Variants in COL25A1 observed in about 807,000 individuals in gnomAD.
COL25A1 encodes collagen type XXV alpha 1 chain, also known as collagen alpha-1(XXV) chain.
In COL25A1, 103 loss-of-function variants were observed where a neutral mutation model predicts 128.4. That is an observed-to-expected ratio of 0.80 (90% confidence interval 0.68 to 0.94). The LOEUF (loss-of-function observed/expected upper bound fraction) is 0.94. Ranked by LOEUF, COL25A1 falls within the 40% of genes least tolerant of loss-of-function variation. COL25A1 has a pLI of 0.00. For synonymous variants in COL25A1, 279 were observed against 277.2 expected (o/e 1.01, Z -0.06); for missense variants, 745 against 840.0 (o/e 0.89, Z 1.40).
chr4:109,083,109 C>A (rs1158337623), intron 3 of COL25A1, among the ~76,000 whole-genome samples: 1 of 152,138 alleles, frequency 6.6e-6, no homozygotes, highest in Admixed American at 6.6e-5. Flanking sequence ...TTTAATAGGA[C>A]TTCCAAACAA....
At chr4:109,244,881 A>T (rs1210739985) in intron 3 of COL25A1, among the ~76,000 whole-genome samples, 2 of 152,174 alleles carry the variant, frequency 1.3e-5, no homozygotes, top group Non-Finnish European at 2.9e-5. Context: ...GTGGATCTCT[A>T]GAAAAATATT....
chr4:108,966,076 C>G (rs1281020506), intron 8 of COL25A1, among the ~76,000 whole-genome samples: 1 of 152,120 alleles, frequency 6.6e-6, no homozygotes, highest in Non-Finnish European at 1.5e-5. Flanking sequence ...TGTATTATAA[C>G]AAGGTAATTG....
intron 6 of COL25A1, among the ~76,000 whole-genome samples, chr4:109,003,983 G>C (rs894157981): frequency 1.3e-5 from 2 of 151,928 alleles, no homozygotes; most frequent in African/African-American, 4.8e-5. Context: ...TGATTCAGGA[G>C]ATTCACAGCA....
chr4:109,205,567 A>G (rs1190804636), intron 3 of COL25A1, among the ~76,000 whole-genome samples: 1 of 152,154 alleles, frequency 6.6e-6, no homozygotes, highest in Non-Finnish European at 1.5e-5. Flanking sequence ...GCCTCAGATC[A>G]AATACAGAAG....
At chr4:108,918,126 A>T (rs763873741) in intron 13 of COL25A1, 46 bp downstream of exon 13, 1 of 1,267,034 alleles carries the variant, frequency 7.9e-7, no homozygotes, top group Non-Finnish European at 1.1e-6. Context: ...TGTGATTTCA[A>T]TGCTCACCAA....
intron 31 of COL25A1, among the ~76,000 whole-genome samples, chr4:108,840,057 C>A (rs1560727921): frequency 6.6e-6 from 1 of 151,728 alleles, no homozygotes; most frequent in Non-Finnish European, 1.5e-5. Flanking sequence ...GCCTGGCCAA[C>A]ATGGTGAAAC....
At chr4:108,957,027 A>AG (rs1242524273) in intron 8 of COL25A1, among the ~76,000 whole-genome samples, 3 of 152,214 alleles carry the variant, frequency 2.0e-5, no homozygotes, top group Non-Finnish European at 4.4e-5. Context: ...AAATTTATAC[A>AG]TTAATATATG....
intron 3 of COL25A1, among the ~76,000 whole-genome samples, chr4:109,253,450 T>C (rs550266234): frequency 1.3e-5 from 2 of 152,264 alleles, no homozygotes; most frequent in Admixed American, 1.3e-4. Flanking sequence ...AAATTTTCCC[T>C]TACCCTGCCT....
At chr4:108,906,060 A>T (rs994893493) in intron 13 of COL25A1, among the ~76,000 whole-genome samples, 7 of 152,098 alleles carry the variant, frequency 4.6e-5, no homozygotes, top group Admixed American at 6.5e-5. Flanking sequence ...CCAGCTTCCA[A>T]CATTCTCTTA....
chr4:108,822,054 T>TTTTTTTTTTTTTTC (rs1731832000), intron 35 of COL25A1, among the ~76,000 whole-genome samples: 1 of 140,306 alleles, frequency 7.1e-6, no homozygotes, highest in Non-Finnish European at 1.5e-5. Flanking sequence ...TTTTTTTTTT[T>TTTTTTTTTTTTTTC]TTTTTTGGGA....
chr4:109,178,835 C>CAAAAAAAAAAAAAAAAAAAAAA (rs34132262), intron 3 of COL25A1, among the ~76,000 whole-genome samples: 1 of 47,546 alleles, frequency 2.1e-5, no homozygotes, highest in African/African-American at 9.3e-5. Flanking sequence ...ACTCCATCTC[C>CAAAAAAAAAAAAAAAAAAAAAA]AAAAAAAAAA....
intron 3 of COL25A1, among the ~76,000 whole-genome samples, chr4:109,193,262 G>T (rs913516914): frequency 1.3e-5 from 2 of 151,908 alleles, no homozygotes; most frequent in Admixed American, 6.6e-5. Flanking sequence ...CAGCCAACTA[G>T]AAGAAGCTGG....
chr4:109,182,437 C>T (rs1383337444), intron 3 of COL25A1, among the ~76,000 whole-genome samples: 1 of 152,060 alleles, frequency 6.6e-6, no homozygotes, highest in Non-Finnish European at 1.5e-5. Flanking sequence ...GGGTAAACTA[C>T]AGTATGATTA....
intron 3 of COL25A1, among the ~76,000 whole-genome samples, chr4:109,052,528 T>C (rs1009133441): frequency 1.4e-4 from 21 of 152,156 alleles, no homozygotes; most frequent in Admixed American, 3.9e-4. Context: ...AAAGAAAATA[T>C]TGGATTTAAG....
chr4:108,978,778 G>T (rs1752675957), intron 6 of COL25A1, among the ~76,000 whole-genome samples: 1 of 152,166 alleles, frequency 6.6e-6, no homozygotes, highest in Non-Finnish European at 1.5e-5. Context: ...CAAGGTTAGG[G>T]TCAATGGAAA....
chr4:109,113,162 A>G (rs950818446), intron 3 of COL25A1, among the ~76,000 whole-genome samples: 1 of 152,132 alleles, frequency 6.6e-6, no homozygotes, highest in African/African-American at 2.4e-5. Flanking sequence ...CTTCTGATGT[A>G]TTTCCCTGAT....
intron 3 of COL25A1, among the ~76,000 whole-genome samples, chr4:109,128,967 T>C (rs1165318615): frequency 6.6e-6 from 1 of 152,170 alleles, no homozygotes; most frequent in African/African-American, 2.4e-5. Context: ...GAAGAGATTT[T>C]AAAACACAGA....
At chr4:109,272,934 A>C (rs1452988345) in intron 3 of COL25A1, among the ~76,000 whole-genome samples, 1 of 152,184 alleles carries the variant, frequency 6.6e-6, no homozygotes, top group Non-Finnish European at 1.5e-5. Context: ...AGTGAGACAG[A>C]AAAGGAAAGT....
intron 3 of COL25A1, among the ~76,000 whole-genome samples, chr4:109,180,995 A>G (rs1774576436): frequency 6.6e-6 from 1 of 152,174 alleles, no homozygotes; most frequent in Non-Finnish European, 1.5e-5. Flanking sequence ...CACCTATGCA[A>G]TGCAAGTTTG....
Sources: allele counts gnomAD v4.1 joint callset (sites outside exome capture counted in the v4.1 genomes callset), GRCh38; gene constraint gnomAD v4.1.1; transcripts MANE v1.5; gene names NCBI Gene and HGNC (gene_info 2026-07-23, HGNC 2026-07-21).